MED27: variants seen among roughly 807,000 people sequenced by gnomAD.
The protein encoded by MED27 is mediator complex subunit 27.
In MED27, 30 loss-of-function variants were observed where a neutral mutation model predicts 38.2. That is an observed-to-expected ratio of 0.79 (90% CI 0.59 to 1.07). The LOEUF (loss-of-function observed/expected upper bound fraction) is 1.07, where lower values mean the gene tolerates loss of function less well. MED27 is among the 50% of genes least tolerant of loss of function. MED27 has a pLI of 0.00. For missense variants in MED27, 289 were observed against 397.5 expected, an observed-to-expected ratio of 0.73 and a Z score of 2.32; for synonymous variants, 122 against 153.5, an observed-to-expected ratio of 0.79 and a Z score of 1.52.
chr9:132,027,544 G>A (rs934320016), intron 2 of MED27, among the ~76,000 whole-genome samples: 13 of 152,298 alleles, frequency 8.5e-5, no homozygotes, highest in African/African-American at 2.9e-4. Flanking sequence ...ACCCAGAACA[G>A]AGGAAGGGCC....
chr9:132,002,928 A>G (rs1832274586), intron 3 of MED27, among the ~76,000 whole-genome samples: 1 of 149,360 alleles, frequency 6.7e-6, no homozygotes, highest in Non-Finnish European at 1.5e-5. Context: ...CAAAAAAAAA[A>G]GAAAAAAGAA....
intron 4 of MED27, among the ~76,000 whole-genome samples, chr9:131,928,830 G>A (rs958983436): frequency 3.2e-4 from 49 of 152,232 alleles, no homozygotes; most frequent in Admixed American, 3.3e-4. Context: ...TTCTAGTGCT[G>A]GGCTGGGCTT....
chr9:132,027,360 G>T (rs1324550800), intron 2 of MED27, among the ~76,000 whole-genome samples: 1 of 152,212 alleles, frequency 6.6e-6, no homozygotes, highest in Non-Finnish European at 1.5e-5. Flanking sequence ...CCGGCCATTT[G>T]CCCTACTCAG....
At chr9:131,868,506 G>C (rs1165800352) in intron 6 of MED27, 1 of 905,890 alleles carries the variant, frequency 1.1e-6, no homozygotes, top group Non-Finnish European at 1.3e-6. Flanking sequence ...CCAACTCCTG[G>C]CTCAAGTGAT....
chr9:131,966,103 C>A lies in MED27; in HGVS notation c.480-26629G>T, dbSNP rs139445730. ...TTTGGCCAGGGGTGGTGGCTCACAC[C>A]TGTAATTCCAGCACTTTGAAAGGCT... On this transcript the variant is annotated intron_variant, in intron 3 of 7. Coordinates refer to ENST00000292035, the MANE Select transcript of MED27 (RefSeq NM_004269.4). Among the ~76,000 whole-genome samples the A allele has an allele frequency of 2.6e-3, 380 of 144,842 alleles. 1 individual carries two copies. Among genetic ancestry groups the A allele is most frequent in the Middle Eastern group, 0.01 (3 of 294 alleles).
At chr9:132,044,363 A>G (rs766782548) in intron 2 of MED27, among the ~76,000 whole-genome samples, 1 of 152,234 alleles carries the variant, frequency 6.6e-6, no homozygotes, top group East Asian at 1.9e-4. Flanking sequence ...TAAATGCATG[A>G]TAAACTTTCT....
intron 5 of MED27, among the ~76,000 whole-genome samples, chr9:131,890,195 G>C (rs942732733): frequency 6.6e-6 from 1 of 152,198 alleles, no homozygotes; most frequent in Non-Finnish European, 1.5e-5. Context: ...AAATTGGCTA[G>C]GATGAGATTC....
rs971723748 is a variant in MED27, at chr9:131,861,320, T to G, written c.802-648A>C. The stretch of plus-strand genomic sequence containing the variant: ...AAGGATGAGCCTCCCGTAACTCAAT[T>G]CTCAAACACAAGGAGATTCACTACC... On this transcript the variant is annotated intron_variant, in intron 7 of 7. Coordinates refer to ENST00000292035, the MANE Select transcript of MED27 (RefSeq NM_004269.4). The surrounding 1 kb of genome is among the most constrained non-coding windows in gnomAD (Gnocchi z 4.4). Among the ~76,000 whole-genome samples the G allele has an allele frequency of 2.6e-5, 4 of 152,100 alleles. No individual in the cohort carries two copies. Among genetic ancestry groups the G allele is most frequent in the Non-Finnish European group, 5.9e-5 (4 of 68,024 alleles).
chr9:132,065,386 G>A (rs151016766), intron 2 of MED27, among the ~76,000 whole-genome samples: 9 of 152,248 alleles, frequency 5.9e-5, no homozygotes, highest in East Asian at 1.9e-4. Context: ...GAAGAGCGGC[G>A]GGCATCTCAA....
At chr9:131,990,534 T>C (rs891044020) in intron 3 of MED27, among the ~76,000 whole-genome samples, 2 of 152,236 alleles carry the variant, frequency 1.3e-5, no homozygotes, top group African/African-American at 4.8e-5. Flanking sequence ...TCTGCAGTCA[T>C]CCCAGAGTGT....
intron 6 of MED27, among the ~76,000 whole-genome samples, chr9:131,869,906 C>G (rs1461965820): frequency 6.6e-6 from 1 of 152,140 alleles, no homozygotes; most frequent in Non-Finnish European, 1.5e-5. Context: ...TCCACTTGAT[C>G]AATGTTCCTT....
chr9:131,863,396 C>T (rs1838683537), intron 6 of MED27, among the ~76,000 whole-genome samples: 1 of 152,184 alleles, frequency 6.6e-6, no homozygotes, highest in African/African-American at 2.4e-5. Flanking sequence ...AACGGAAAGC[C>T]TGGCCAGGCT....
chr9:131,965,665 A>T (rs1831322698), intron 3 of MED27, among the ~76,000 whole-genome samples: 1 of 152,170 alleles, frequency 6.6e-6, no homozygotes, highest in African/African-American at 2.4e-5. Context: ...GAGTGAGATG[A>T]AAGTCTGGCT....
At chr9:131,977,989 G>A (rs1816946825) in intron 3 of MED27, among the ~76,000 whole-genome samples, 1 of 152,192 alleles carries the variant, frequency 6.6e-6, no homozygotes, top group Admixed American at 6.5e-5. Context: ...TGGACACTGA[G>A]CATAAGCGGC....
chr9:131,930,392 T>A (rs1196263242), intron 4 of MED27, among the ~76,000 whole-genome samples: 2 of 151,626 alleles, frequency 1.3e-5, no homozygotes, highest in Non-Finnish European at 1.5e-5. Flanking sequence ...TAACATAGAG[T>A]GGAGCTCCAG....
At chr9:132,061,568 T>G (rs1376392172) in intron 2 of MED27, among the ~76,000 whole-genome samples, 2 of 152,236 alleles carry the variant, frequency 1.3e-5, no homozygotes, top group Non-Finnish European at 2.9e-5. Context: ...TCTAAACATT[T>G]TATTAATAAA....
rs1017660470 is a variant in MED27 at position 132,073,742 on chromosome 9, T to C, written c.348+3700A>G. On this transcript the variant is annotated intron_variant, in intron 2 of 7. Coordinates refer to ENST00000292035, the MANE Select transcript of MED27 (RefSeq NM_004269.4). ...ATTCTTGGAATAGAAAGTTGCTCTT[T>C]CTGTAATAAAAAAAAAATCAAACGT... 6 of 1,512,220 alleles carry C rather than the reference T, an allele frequency of 4.0e-6. No homozygotes were observed. The African/African-American group carries it at 8.5e-5, about 21-fold the overall frequency. 93.7% of individuals were successfully genotyped at this position (1,512,220 alleles called of 1,614,324 possible). A position where few individuals can be genotyped will look rare whatever the true frequency, so the allele number is the denominator to read the frequency against.
chr9:132,069,453 G>A (rs1049318534), intron 2 of MED27, among the ~76,000 whole-genome samples: 1 of 152,210 alleles, frequency 6.6e-6, no homozygotes, highest in African/African-American at 2.4e-5. Context: ...AATGATAGGG[G>A]CATGGCTTGA....
intron 3 of MED27, among the ~76,000 whole-genome samples, chr9:131,987,384 T>C (rs984609145): frequency 1.3e-5 from 2 of 152,162 alleles, no homozygotes; most frequent in African/African-American, 4.8e-5. Context: ...CGATGTGGTG[T>C]GTCCCTAAAG....
Sources: gnomAD v4.1 joint callset for allele counts (sites outside exome capture counted in the v4.1 genomes callset) on GRCh38, gnomAD v4.1.1 for gene constraint, Gnocchi (gnomAD v3.1) non-coding constraint, MANE v1.5 for transcripts, NCBI Gene and HGNC (gene_info 2026-07-23, HGNC 2026-07-21) for gene names.